Variants in ADGRL2 observed in about 807,000 individuals in gnomAD.
ADGRL2 encodes the protein calcium-independent alpha-latrotoxin receptor 2.
In ADGRL2, 44 loss-of-function variants were observed where a neutral mutation model predicts 157.4. The ratio of observed to expected loss-of-function variants is 0.28; its 90% CI spans 0.22 to 0.36. The LOEUF (loss-of-function observed/expected upper bound fraction) is 0.36. ADGRL2 is among the 10% of genes least tolerant of loss of function. The probability of loss-of-function intolerance (pLI) is 1.00; values close to 1 mark genes in which losing one functional copy is unlikely to be tolerated. For synonymous variants in ADGRL2, 585 were observed against 624.7 expected (o/e 0.94, Z 0.95); for missense variants, 1,510 against 1,768.9 (o/e 0.85, Z 2.63).
At chr1:81,740,354 G>T (rs1373484110) in intron 1 of ADGRL2, among the ~76,000 whole-genome samples, 1 of 152,146 alleles carries the variant, frequency 6.6e-6, no homozygotes, top group Non-Finnish European at 1.5e-5. Flanking sequence ...TGGCATCCTT[G>T]AATATAATTT....
rs568144186 is a variant in ADGRL2, at chr1:81,816,221, A to G, written c.-101+15153A>G. Among the ~76,000 whole-genome samples, 92 of 151,962 alleles carry G rather than the reference A, an allele frequency of 6.1e-4. 3 individuals carry two copies. In the South Asian group the frequency reaches 0.018, roughly 30 times the overall value. The stretch of plus-strand genomic sequence containing the variant: ...TTTAATTGAAAATAAACGAAAATAT[A>G]GCTTTGATTTGTTAGCTTATTTTAT... On this transcript the variant is annotated intron_variant, in intron 1 of 23. Coordinates refer to ENST00000686636, the MANE Select transcript of ADGRL2 (RefSeq NM_001366006.2).
chr1:81,423,651 A>T (rs529869393), intron 1 of ADGRL2, among the ~76,000 whole-genome samples: 170 of 152,272 alleles, frequency 1.1e-3, no homozygotes, highest in African/African-American at 3.6e-3. Context: ...TTATTTTCTT[A>T]TTTCCCTAAT....
intron 3 of ADGRL2, among the ~76,000 whole-genome samples, chr1:81,629,537 C>T (rs17106844): frequency 0.21 from 32,352 of 151,908 alleles, 3,839 homozygotes; most frequent in East Asian, 0.35. Context: ...GCATGCATAA[C>T]ACATGGTAAA....
intron 2 of ADGRL2, among the ~76,000 whole-genome samples, chr1:81,788,365 G>A (rs952185013): frequency 1.9e-4 from 29 of 152,102 alleles, no homozygotes; most frequent in African/African-American, 7.0e-4. Flanking sequence ...GCAAGATCTG[G>A]TTGTTGAAAA....
intron 1 of ADGRL2, among the ~76,000 whole-genome samples, chr1:81,423,657 CTAA>C (rs1337715245): frequency 2.6e-5 from 4 of 152,074 alleles, no homozygotes; most frequent in Non-Finnish European, 1.5e-5. Context: ...TCTTATTTCC[CTAA>C]TAATGTTATA....
intron 2 of ADGRL2, among the ~76,000 whole-genome samples, chr1:81,888,899 G>A (rs1212141077): frequency 6.6e-6 from 1 of 151,950 alleles, no homozygotes; most frequent in African/African-American, 2.4e-5. Context: ...TATTATATCT[G>A]TTATGGTGAT....
intron 3 of ADGRL2, among the ~76,000 whole-genome samples, chr1:81,909,869 T>C (rs2094672609): frequency 1.3e-5 from 2 of 152,100 alleles, no homozygotes; most frequent in Non-Finnish European, 1.5e-5. Flanking sequence ...TTTGACATAA[T>C]TGTTTGATTG....
At chr1:81,786,471 G>T (rs2087051829) in intron 2 of ADGRL2, among the ~76,000 whole-genome samples, 1 of 152,148 alleles carries the variant, frequency 6.6e-6, no homozygotes, top group Admixed American at 6.5e-5. Flanking sequence ...AGCTAGTCAT[G>T]AGGCTGAGGC....
chr1:81,948,578 A>T (rs1309777266), intron 6 of ADGRL2, among the ~76,000 whole-genome samples: 1 of 152,170 alleles, frequency 6.6e-6, no homozygotes, highest in African/African-American at 2.4e-5. Flanking sequence ...TCTGCAAAAG[A>T]TTGTGATGCT....
intron 1 of ADGRL2, among the ~76,000 whole-genome samples, chr1:81,352,801 G>A (rs1266347440): frequency 6.6e-6 from 1 of 152,106 alleles, no homozygotes; most frequent in Non-Finnish European, 1.5e-5. Context: ...TAAAGCAGTA[G>A]CAATGGAATC....
At chr1:81,985,120 C>A in intron 20 of ADGRL2, 139 bp from the exon 21 acceptor site, 2 of 501,528 alleles carry the variant, frequency 4.0e-6, no homozygotes, top group Non-Finnish European at 7.2e-6. Context: ...TAGTTTTAGA[C>A]CAGAAAAAAC....
chr1:81,694,384 A>C (rs582150), intron 3 of ADGRL2, among the ~76,000 whole-genome samples: 42,596 of 151,596 alleles, frequency 0.28, 6,152 homozygotes, highest in Admixed American at 0.37. Context: ...GAAACTACCG[A>C]TGTGGTTAGT....
chr1:81,977,593 T>C (rs1452506691), intron 17 of ADGRL2, among the ~76,000 whole-genome samples: 1 of 151,866 alleles, frequency 6.6e-6, no homozygotes, highest in Non-Finnish European at 1.5e-5. Flanking sequence ...CTTTTTGCAA[T>C]ATAATACTTT....
chr1:81,335,260 TAC>T (rs1661555206), intron 1 of ADGRL2, among the ~76,000 whole-genome samples: 1 of 152,164 alleles, frequency 6.6e-6, no homozygotes, highest in African/African-American at 2.4e-5. Flanking sequence ...TCCCCACACA[TAC>T]ACACAAAAAT....
intron 2 of ADGRL2, among the ~76,000 whole-genome samples, chr1:81,888,091 T>C (rs2094169316): frequency 1.3e-5 from 2 of 152,172 alleles, no homozygotes; most frequent in African/African-American, 4.8e-5. Flanking sequence ...TAGGATTAGC[T>C]CTCCTTTTAG....
rs181316254 is a variant in ADGRL2, at chr1:81,669,225, T to G, written c.-143+88245T>G. Among the ~76,000 whole-genome samples the G allele has an allele frequency of 5.1e-4, 77 of 152,204 alleles. 1 individual carries two copies. The highest frequency in any genetic ancestry group is 4.7e-3 in the Admixed American group (72 of 15,278). ...TAGATCTGGGTGAGTATCTAGTAAG[T>G]TCCTGTAAATTGAGGCGGATGTGCT... On this transcript the variant is annotated intron_variant, in intron 3 of 24. Transcript: ENST00000370721.
intron 1 of ADGRL2, among the ~76,000 whole-genome samples, chr1:81,702,208 A>G (rs1020641550): frequency 2.0e-5 from 3 of 152,214 alleles, no homozygotes; most frequent in Non-Finnish European, 2.9e-5. Context: ...GGTGAACACA[A>G]CATGTAGGTG....
intron 2 of ADGRL2, among the ~76,000 whole-genome samples, chr1:81,573,398 C>T (rs1489671798): frequency 6.6e-6 from 1 of 152,078 alleles, no homozygotes; most frequent in African/African-American, 2.4e-5. Flanking sequence ...TTTCCCTTTC[C>T]CACTCTGTTT....
At chr1:81,419,374 TTG>T (rs1252186000) in intron 1 of ADGRL2, among the ~76,000 whole-genome samples, 1 of 152,016 alleles carries the variant, frequency 6.6e-6, no homozygotes, top group Non-Finnish European at 1.5e-5. Flanking sequence ...TGGCTATTTT[TTG>T]TGTTTTCTTT....
Sources: allele counts gnomAD v4.1 joint callset (sites outside exome capture counted in the v4.1 genomes callset), GRCh38; gene constraint gnomAD v4.1.1; transcripts MANE v1.5; gene names NCBI Gene and HGNC (gene_info 2026-07-23, HGNC 2026-07-21).